The following TRPM3 variants were observed in gnomAD, a reference collection of about 807,000 sequenced individuals.
The protein encoded by TRPM3 is long transient receptor potential channel 3.
In TRPM3, 77 loss-of-function variants were observed where a neutral mutation model predicts 181.2. The observed-to-expected ratio is 0.42, with a 90% confidence interval of 0.35 to 0.51. The LOEUF is 0.51. Among genes scored for constraint, TRPM3 ranks in the 20% least tolerant of loss-of-function variants. The pLI, the probability that TRPM3 is intolerant of heterozygous loss-of-function variation, is 0.01. For missense variants in TRPM3, 1,759 were observed against 2,196.7 expected, an observed-to-expected ratio of 0.80 and a Z score of 3.98; for synonymous variants, 745 against 796.4, an observed-to-expected ratio of 0.94 and a Z score of 1.09.
At chr9:71,207,216 C>T (rs2079176830) in intron 1 of TRPM3, among the ~76,000 whole-genome samples, 1 of 152,030 alleles carries the variant, frequency 6.6e-6, no homozygotes, top group African/African-American at 2.4e-5. Context: ...CATAAAAACA[C>T]CATGCTGCTA....
At chr9:71,247,613 G>A (rs2082109850) in intron 1 of TRPM3, among the ~76,000 whole-genome samples, 1 of 150,576 alleles carries the variant, frequency 6.6e-6, no homozygotes, top group African/African-American at 2.5e-5. Flanking sequence ...GGAAGGAGGA[G>A]GAACTCAGAG....
rs544731090 is a variant in TRPM3, at chr9:70,602,792, C to A, written c.2796+550G>T. Among the ~76,000 whole-genome samples, 6 of 152,264 alleles carry A rather than the reference C, an allele frequency of 3.9e-5. No homozygotes were observed. The South Asian group carries it at 1.2e-3, about 32-fold the overall frequency. On this transcript the variant is annotated intron_variant, in intron 20 of 25. Coordinates refer to ENST00000677713, the MANE Select transcript of TRPM3 (RefSeq NM_001366145.2). ...AGAAGTGGGGGGAGAAAAGAGGGAC[C>A]CTGCACTCACAACCTGAAGGATCTG...
At chr9:70,677,154 C>T (rs754121038) in intron 9 of TRPM3, among the ~76,000 whole-genome samples, 17 of 152,124 alleles carry the variant, frequency 1.1e-4, no homozygotes, top group Non-Finnish European at 2.1e-4. Flanking sequence ...ATAAGACACG[C>T]CCTCCAGTGT....
intron 1 of TRPM3, among the ~76,000 whole-genome samples, chr9:71,285,275 A>G (rs888152228): frequency 6.6e-6 from 1 of 152,254 alleles, no homozygotes; most frequent in Non-Finnish European, 1.5e-5. Flanking sequence ...GTTAGAAATA[A>G]TTAAATCTTT....
At chr9:71,171,476 C>T (rs1410019694) in intron 1 of TRPM3, among the ~76,000 whole-genome samples, 1 of 152,106 alleles carries the variant, frequency 6.6e-6, no homozygotes, top group African/African-American at 2.4e-5. Context: ...TACTCTGTCC[C>T]TTTATTTCTC....
intron 1 of TRPM3, among the ~76,000 whole-genome samples, chr9:70,890,824 C>T (rs2096188436): frequency 6.6e-6 from 1 of 151,948 alleles, no homozygotes; most frequent in Admixed American, 6.6e-5. Context: ...AAGCACAGGA[C>T]AGAGGCAGAG....
chr9:71,290,629 T>C (rs1052594950), intron 1 of TRPM3, among the ~76,000 whole-genome samples: 5 of 152,074 alleles, frequency 3.3e-5, no homozygotes, highest in South Asian at 4.1e-4. Context: ...GAATAATGTA[T>C]AGACACATGC....
At chr9:71,009,946 T>C (rs2097718450) in intron 1 of TRPM3, among the ~76,000 whole-genome samples, 1 of 152,130 alleles carries the variant, frequency 6.6e-6, no homozygotes, top group Non-Finnish European at 1.5e-5. Flanking sequence ...AGCCAACTGA[T>C]TTTTGACAAA....
At chr9:70,612,417 T>G (rs2062132152) in intron 18 of TRPM3, among the ~76,000 whole-genome samples, 1 of 152,188 alleles carries the variant, frequency 6.6e-6, no homozygotes, top group Non-Finnish European at 1.5e-5. Flanking sequence ...TGCATTAGTT[T>G]TGAAGTTGAG....
chr9:70,544,329 GGTTA>G (rs530318748), intron 25 of TRPM3, among the ~76,000 whole-genome samples: 1 of 152,086 alleles, frequency 6.6e-6, no homozygotes, highest in African/African-American at 2.4e-5. Context: ...CAAAAGATAA[GGTTA>G]GTTAACAGGA....
chr9:71,145,709 T>C (rs976011055), intron 1 of TRPM3, among the ~76,000 whole-genome samples: 25 of 151,960 alleles, frequency 1.6e-4, no homozygotes, highest in Admixed American at 6.6e-4. Flanking sequence ...GAAAAAAAAA[T>C]TGAAGGAAAC....
intron 1 of TRPM3, among the ~76,000 whole-genome samples, chr9:71,201,189 T>C (rs935713421): frequency 1.2e-4 from 18 of 152,090 alleles, no homozygotes; most frequent in African/African-American, 3.6e-4. Context: ...TTTAAGAATG[T>C]TGAATATTGG....
intron 1 of TRPM3, among the ~76,000 whole-genome samples, chr9:70,919,568 G>T (rs1340071232): frequency 2.0e-5 from 3 of 152,164 alleles, no homozygotes; most frequent in Admixed American, 2.0e-4. Flanking sequence ...TGGATCACCT[G>T]AGGTCAGGAG....
intron 1 of TRPM3, among the ~76,000 whole-genome samples, chr9:71,391,376 TTC>T (rs564425783): frequency 1.3e-5 from 2 of 151,910 alleles, no homozygotes; most frequent in Admixed American, 6.6e-5. Flanking sequence ...AACTGTCTAC[TTC>T]TCTTTCTTTC....
chr9:70,983,958 G>C (rs1242037578), intron 1 of TRPM3, among the ~76,000 whole-genome samples: 3 of 152,144 alleles, frequency 2.0e-5, no homozygotes, highest in Admixed American at 6.5e-5. Flanking sequence ...TTGTGGGTCA[G>C]AGTTCATTTT....
rs62545505 is a variant in TRPM3, at chr9:70,612,020, T to C, written c.2527-1271A>G. The stretch of plus-strand genomic sequence containing the variant: ...TAACCACTCTGAGACTTAGTTTCTT[T>C]AACTGTAAAATGAGGGTAATAAAGT... On this transcript the variant is annotated intron_variant, in intron 18 of 25. Transcript: ENST00000677713. Among the ~76,000 whole-genome samples, 1,468 of 152,326 alleles carry C rather than the reference T, an allele frequency of 9.6e-3. 14 individuals carry two copies. Among genetic ancestry groups the C allele is most frequent in the Non-Finnish European group, 0.015 (1,030 of 68,034 alleles).
intron 9 of TRPM3, among the ~76,000 whole-genome samples, chr9:70,679,642 C>T (rs2064929150): frequency 6.6e-6 from 1 of 152,218 alleles, no homozygotes; most frequent in South Asian, 2.1e-4. Context: ...TTATCTTGAG[C>T]ATGTTACTGA....
chr9:71,403,224 G>C (rs1891300), intron 1 of TRPM3, among the ~76,000 whole-genome samples: 68,805 of 151,984 alleles, frequency 0.45, 17,148 homozygotes, highest in East Asian at 0.6. Context: ...AGTCCTTTAA[G>C]AACTGTCTAT....
At chr9:70,788,496 T>C (rs1253572436) in intron 6 of TRPM3, among the ~76,000 whole-genome samples, 1 of 152,024 alleles carries the variant, frequency 6.6e-6, no homozygotes, top group Non-Finnish European at 1.5e-5. Flanking sequence ...CCTTCCACAG[T>C]GAAACACTGT....
Sources: gnomAD v4.1 joint callset for allele counts (sites outside exome capture counted in the v4.1 genomes callset) on GRCh38, gnomAD v4.1.1 for gene constraint, MANE v1.5 for transcripts, NCBI Gene and HGNC (gene_info 2026-07-23, HGNC 2026-07-21) for gene names.